TMEM131L: variants seen among roughly 807,000 people sequenced by gnomAD.
The protein encoded by TMEM131L is transmembrane 131 like.
A neutral mutation model predicts 192.2 loss-of-function variants in TMEM131L; 54 were observed. The observed-to-expected ratio is 0.28, with a 90% CI of 0.23 to 0.35. The LOEUF (loss-of-function observed/expected upper bound fraction) is 0.35. Ranked by LOEUF, TMEM131L falls within the 10% of genes least tolerant of loss-of-function variation. The pLI is 1.00. For missense variants in TMEM131L, 1,888 were observed against 1,972.9 expected, an observed-to-expected ratio of 0.96 and a Z score of 0.82; for synonymous variants, 701 against 704.9, an observed-to-expected ratio of 0.99 and a Z score of 0.09.
intron 3 of TMEM131L, among the ~76,000 whole-genome samples, chr4:153,487,840 G>A (rs1023486783): frequency 6.6e-6 from 1 of 151,490 alleles, no homozygotes; most frequent in African/African-American, 2.4e-5. Flanking sequence ...GCCTGTGGCT[G>A]AGGTGTATGT....
At chr4:153,608,075 T>C (rs1732361950) in intron 25 of TMEM131L, among the ~76,000 whole-genome samples, 1 of 152,034 alleles carries the variant, frequency 6.6e-6, no homozygotes, top group African/African-American at 2.4e-5. Context: ...GAGCTGTGAT[T>C]GTGCCACCGC....
Position 153,602,713 on chromosome 4 carries a change from G to C in TMEM131L, c.2625G>C (p.Thr875=), listed in dbSNP as rs376517700. The C allele has an allele frequency of 1.2e-6, 2 of 1,613,902 alleles. No individual in the cohort carries two copies. Among genetic ancestry groups the C allele is most frequent in the Admixed American group, 3.3e-5 (2 of 60,012 alleles). Residue 875 remains threonine (T), a synonymous_variant, in exon 23 of 35, where the codon ACG becomes ACC. Transcript: ENST00000409959. ...GGGAGGAGTCATTTTGGAGGCTCAC[G>C]GTCTTCTTTGTCAGGTAAACCACTA... ...PSWEESFWRL[T]VFFVSLSLLG...
At chr4:153,589,121 C>G in intron 16 of TMEM131L, 114 bp downstream of exon 16, 2 of 633,262 alleles carry the variant, frequency 3.2e-6, no homozygotes, top group Non-Finnish European at 5.6e-6. Flanking sequence ...ACCGTAGATG[C>G]CTGAAACTGT....
At chr4:153,523,931 T>C (rs1317853031) in intron 3 of TMEM131L, among the ~76,000 whole-genome samples, 1 of 152,170 alleles carries the variant, frequency 6.6e-6, no homozygotes, top group Non-Finnish European at 1.5e-5. Flanking sequence ...AAAGGGAGCA[T>C]GTTCTGTTTG....
At chr4:153,529,306 T>C (rs577127238) in intron 3 of TMEM131L, among the ~76,000 whole-genome samples, 1 of 152,366 alleles carries the variant, frequency 6.6e-6, no homozygotes, top group South Asian at 2.1e-4. Flanking sequence ...AAAATGTAGA[T>C]GGGATGGAAT....
At chr4:153,553,563 A>T (rs908953302) in intron 4 of TMEM131L, among the ~76,000 whole-genome samples, 1 of 151,960 alleles carries the variant, frequency 6.6e-6, no homozygotes, top group Non-Finnish European at 1.5e-5. Context: ...TATAGACATT[A>T]GAGTAAAACT....
intron 3 of TMEM131L, among the ~76,000 whole-genome samples, chr4:153,523,862 C>T (rs996863941): frequency 1.6e-4 from 24 of 152,106 alleles, no homozygotes; most frequent in African/African-American, 5.1e-4. Context: ...TGTTTTGTAC[C>T]CCATACTCAG....
intron 26 of TMEM131L, among the ~76,000 whole-genome samples, chr4:153,616,646 T>C (rs1578873685): frequency 6.6e-6 from 1 of 152,248 alleles, no homozygotes; most frequent in East Asian, 1.9e-4. Context: ...GCATAAAGAA[T>C]AAGGTAGAAG....
intron 25 of TMEM131L, among the ~76,000 whole-genome samples, chr4:153,610,283 C>T (rs1469121830): frequency 6.6e-6 from 1 of 152,172 alleles, no homozygotes; most frequent in Non-Finnish European, 1.5e-5. Flanking sequence ...CTAAGTTATT[C>T]CCGGTTATTA....
At chr4:153,475,276 A>G (rs1372873231) in intron 3 of TMEM131L, among the ~76,000 whole-genome samples, 1 of 152,148 alleles carries the variant, frequency 6.6e-6, no homozygotes, top group Non-Finnish European at 1.5e-5. Context: ...TGAATTTGAC[A>G]ACTGATAGAT....
intron 3 of TMEM131L, among the ~76,000 whole-genome samples, chr4:153,528,072 G>A (rs1040143935): frequency 2.6e-5 from 4 of 152,172 alleles, no homozygotes; most frequent in African/African-American, 4.8e-5. Flanking sequence ...TGCCTGCCAC[G>A]CCTTGTTGAG....
intron 7 of TMEM131L, among the ~76,000 whole-genome samples, chr4:153,578,569 G>GGAGT (rs1730121054): frequency 6.7e-6 from 1 of 149,326 alleles, no homozygotes; most frequent in Admixed American, 6.7e-5. Flanking sequence ...CGCCCAGGCT[G>GGAGT]GAGTGCAGTG....
intron 3 of TMEM131L, among the ~76,000 whole-genome samples, chr4:153,487,625 T>C (rs549249317): frequency 6.6e-6 from 1 of 151,964 alleles, no homozygotes; most frequent in African/African-American, 2.4e-5. Flanking sequence ...GAGTGGCCAC[T>C]CACAGCACAG....
chr4:153,474,283 CAA>C (rs1424085369), intron 3 of TMEM131L, among the ~76,000 whole-genome samples: 10 of 152,164 alleles, frequency 6.6e-5, no homozygotes, highest in Non-Finnish European at 1.3e-4. Flanking sequence ...ATGCTTATGA[CAA>C]GAGCTATCAA....
chr4:153,597,548 A>G (rs1188328979), intron 20 of TMEM131L, among the ~76,000 whole-genome samples: 1 of 152,334 alleles, frequency 6.6e-6, no homozygotes, highest in Non-Finnish European at 1.5e-5. Flanking sequence ...AGTGTATTCT[A>G]TATAATTACA....
chr4:153,503,803 T>C (rs1426760479), intron 3 of TMEM131L, among the ~76,000 whole-genome samples: 1 of 152,134 alleles, frequency 6.6e-6, no homozygotes, highest in Non-Finnish European at 1.5e-5. Flanking sequence ...TGATGAAGGG[T>C]CATGAAAATG....
intron 19 of TMEM131L, among the ~76,000 whole-genome samples, chr4:153,594,775 T>TG (rs1363075162): frequency 6.6e-6 from 1 of 152,116 alleles, no homozygotes; most frequent in Non-Finnish European, 1.5e-5. Context: ...CTGGGCGAGT[T>TG]GGGGGGAGTG....
intron 3 of TMEM131L, among the ~76,000 whole-genome samples, chr4:153,519,050 C>T (rs996523073): frequency 1.8e-4 from 27 of 152,080 alleles, no homozygotes; most frequent in African/African-American, 6.5e-4. Context: ...CTTTTTCTCC[C>T]CACCTTCCTG....
chr4:153,493,819 T>C (rs770257104), intron 3 of TMEM131L, among the ~76,000 whole-genome samples: 2 of 152,136 alleles, frequency 1.3e-5, no homozygotes, highest in Non-Finnish European at 2.9e-5. Context: ...CAGAGTTTGT[T>C]TTGAAGATTA....
Sources: allele counts gnomAD v4.1 joint callset (sites outside exome capture counted in the v4.1 genomes callset), GRCh38; gene constraint gnomAD v4.1.1; transcripts MANE v1.5; gene names NCBI Gene and HGNC (gene_info 2026-07-23, HGNC 2026-07-21).